WBP2NL: variants seen among roughly 807,000 people sequenced by gnomAD.
WBP2NL encodes the protein WBP2 N-terminal like.
WBP2NL carries 27 observed loss-of-function variants against 23.3 expected under a neutral mutation model. The ratio of observed to expected loss-of-function variants is 1.16; its 90% CI spans 0.85 to 1.60. The LOEUF (loss-of-function observed/expected upper bound fraction) is 1.60, where lower values mean the gene tolerates loss of function less well. WBP2NL is among the 40% of genes most tolerant of loss of function. The pLI is 0.00. For synonymous variants in WBP2NL, 151 were observed against 145.9 expected (o/e 1.03, Z -0.25); for missense variants, 370 against 389.5 (o/e 0.95, Z 0.42).
intron 1 of WBP2NL, among the ~76,000 whole-genome samples, chr22:42,007,419 A>T (rs929026987): frequency 2.6e-5 from 4 of 152,248 alleles, no homozygotes; most frequent in African/African-American, 7.2e-5. Flanking sequence ...ATATTAAAGT[A>T]TACATGACTT....
At chr22:42,007,032 C>G (rs1304924338) in intron 1 of WBP2NL, among the ~76,000 whole-genome samples, 2 of 152,206 alleles carry the variant, frequency 1.3e-5, no homozygotes, top group Admixed American at 1.3e-4. Context: ...GGTATATGTC[C>G]TTCTGTACTT....
rs548108688 is a variant in WBP2NL at position 42,001,668 on chromosome 22, C to G, written c.62+2788C>G. On this transcript the variant is annotated intron_variant, in intron 1 of 5. Transcript: ENST00000328823. The stretch of plus-strand genomic sequence containing the variant: ...AACTGGGATCTCTTGTCCACACCAT[C>G]CAGGAAGATCTGCTTGTATTTATCT... 5.4e-5 allele frequency: 65 copies of G among 1,203,546 alleles called. No individual in the cohort carries two copies. The African/African-American group carries it at 6.1e-4, about 11-fold the overall frequency. 74.6% of individuals were successfully genotyped at this position (1,203,546 alleles called of 1,614,324 possible).
intron 1 of WBP2NL, among the ~76,000 whole-genome samples, chr22:42,007,620 A>G (rs1055500818): frequency 6.6e-6 from 1 of 152,144 alleles, no homozygotes; most frequent in African/African-American, 2.4e-5. Context: ...GAATTTGACT[A>G]CTTCAGATAC....
intron 1 of WBP2NL, among the ~76,000 whole-genome samples, chr22:42,014,877 A>G (rs999122335): frequency 1.3e-5 from 2 of 152,250 alleles, no homozygotes; most frequent in Middle Eastern, 3.4e-3. Flanking sequence ...TCTTTCTTTT[A>G]GTTATTTGGA....
intron 8 of WBP2NL, among the ~76,000 whole-genome samples, chr22:42,056,451 A>C (rs1038624090): frequency 6.6e-6 from 1 of 152,276 alleles, no homozygotes; most frequent in Admixed American, 6.5e-5. Context: ...ATATTTACTT[A>C]TGTAGTTCCA....
At chr22:42,052,381 C>T (rs1381682674) in intron 8 of WBP2NL, among the ~76,000 whole-genome samples, 1 of 152,074 alleles carries the variant, frequency 6.6e-6, no homozygotes, top group African/African-American at 2.4e-5. Context: ...CTGGTTCCAG[C>T]GATTCTTGTG....
downstream of WBP2NL, chr22:42,031,357 T>C (rs1924933679): frequency 6.6e-6 from 1 of 152,236 alleles, no homozygotes; most frequent in African/African-American, 2.4e-5. Context: ...AGAGCACTCA[T>C]GTGCTGAGTT....
chr22:42,049,705 CAAAAAAAAAAAAAA>C lies in WBP2NL; in HGVS notation c.*274-8572_*274-8559del, dbSNP rs1158837575. On this transcript the variant is annotated intron_variant and NMD_transcript_variant, in intron 8 of 8. Transcript: ENST00000436265. ...ACTCCGTCTCCAAAACAAAACAAAA[CAAAAAAAAAAAAAA>C]AAAAAAAAAAAATAGAACATTTTGG... is the stretch of plus-strand genomic sequence containing the variant. 2.4e-4 allele frequency among the ~76,000 whole-genome samples: 9 copies of C among 37,484 alleles called. No individual in the cohort carries two copies. The East Asian group carries it at 4.6e-3, about 19-fold the overall frequency. The allele number at this position is 37,484 out of a possible 152,430, so 24.6% of individuals were successfully genotyped here.
At chr22:42,053,830 T>C (rs1027449896) in intron 8 of WBP2NL, among the ~76,000 whole-genome samples, 2 of 152,184 alleles carry the variant, frequency 1.3e-5, no homozygotes, top group African/African-American at 4.8e-5. Flanking sequence ...TTCAAATTCT[T>C]TGTCTATTTT....
intron 8 of WBP2NL, among the ~76,000 whole-genome samples, chr22:42,045,360 G>T (rs1925548880): frequency 2.0e-5 from 3 of 152,130 alleles, no homozygotes; most frequent in Admixed American, 2.0e-4. Flanking sequence ...AGAATGGCGT[G>T]AACCCAGGAG....
intron 8 of WBP2NL, among the ~76,000 whole-genome samples, chr22:42,049,144 TA>T (rs964851395): frequency 1.3e-5 from 2 of 152,164 alleles, no homozygotes; most frequent in African/African-American, 4.8e-5. Flanking sequence ...AATGTGGTAT[TA>T]GCAAAGCAGC....
intron 4 of WBP2NL, among the ~76,000 whole-genome samples, chr22:42,021,904 C>T (rs1015468019): frequency 6.6e-6 from 1 of 151,728 alleles, no homozygotes; most frequent in Non-Finnish European, 1.5e-5. Context: ...TCAAGCAATC[C>T]TCCTGCCTCA....
chr22:42,002,731 T>C (rs1921827119), intron 1 of WBP2NL: 1 of 152,290 alleles, frequency 6.6e-6, no homozygotes, highest in Non-Finnish European at 1.5e-5. Flanking sequence ...TGAACTTAGG[T>C]ACTGTGCATA....
intron 1 of WBP2NL, among the ~76,000 whole-genome samples, chr22:42,008,231 C>T (rs1425507319): frequency 7.6e-6 from 1 of 131,322 alleles, no homozygotes; most frequent in Non-Finnish European, 1.6e-5. Context: ...CTTTTTTTGA[C>T]AGAGTCTCAC....
At chr22:42,057,879 A>C (rs1428267347) in intron 8 of WBP2NL, among the ~76,000 whole-genome samples, 1 of 13,638 alleles carries the variant, frequency 7.3e-5, no homozygotes, top group African/African-American at 3.3e-4. Flanking sequence ...GTATATATAT[A>C]TATATATATA....
downstream of WBP2NL, chr22:42,032,436 C>G (rs866580119): frequency 5.2e-6 from 1 of 192,818 alleles, no homozygotes; most frequent in South Asian, 9.0e-5. Flanking sequence ...TCACCTCTAT[C>G]TCTTAAGCAT....
At chr22:42,011,855 C>G (rs531251240) in intron 1 of WBP2NL, among the ~76,000 whole-genome samples, 4 of 152,208 alleles carry the variant, frequency 2.6e-5, no homozygotes, top group Admixed American at 2.6e-4. Context: ...TCGCTGCAAC[C>G]TTTGCCTCCT....
At chr22:42,049,368 T>C (rs558125885) in intron 8 of WBP2NL, among the ~76,000 whole-genome samples, 17 of 152,216 alleles carry the variant, frequency 1.1e-4, no homozygotes, top group African/African-American at 3.9e-4. Context: ...GACCTAATTG[T>C]AAAACACTAA....
At chr22:42,004,322 A>C (rs1375165386) in intron 1 of WBP2NL, among the ~76,000 whole-genome samples, 1 of 152,046 alleles carries the variant, frequency 6.6e-6, no homozygotes, top group East Asian at 1.9e-4. Flanking sequence ...GGCTGGGTGC[A>C]GTGGCTGATG....
Sources: gnomAD v4.1 joint callset for allele counts (sites outside exome capture counted in the v4.1 genomes callset) on GRCh38, gnomAD v4.1.1 for gene constraint, MANE v1.5 for transcripts, NCBI Gene and HGNC (gene_info 2026-07-23, HGNC 2026-07-21) for gene names.